Variants in WNT5A observed in about 807,000 individuals in gnomAD.
WNT5A encodes protein Wnt-5a.
WNT5A carries 9 observed loss-of-function variants against 42.1 expected under a neutral mutation model. The observed-to-expected ratio is 0.21, with a 90% CI of 0.13 to 0.37. WNT5A has a LOEUF of 0.37. Among genes scored for constraint, WNT5A ranks in the 10% least tolerant of loss-of-function variants. The pLI is 1.00. For synonymous variants in WNT5A, 210 were observed against 210.0 expected, an observed-to-expected ratio of 1.00 and a Z score of 0.00; for missense variants, 426 against 534.0, an observed-to-expected ratio of 0.80 and a Z score of 1.99.
At chr3:55,493,689 A>G (rs1182069589), upstream of WNT5A, 7 of 152,360 alleles carry the variant, frequency 4.6e-5, no homozygotes, top group East Asian at 1.4e-3. Flanking sequence ...CTGCTGAGCA[A>G]AAGTTTGAAC....
At chr3:55,497,066 A>T in the WNT5A span, among the ~76,000 whole-genome samples, 1 of 152,238 alleles carries the variant, frequency 6.6e-6, no homozygotes. Flanking sequence ...TTAGTATTGT[A>T]CGTGCCAGAT....
intron 3 of WNT5A, 88 bp downstream of exon 3, chr3:55,479,226 C>G: frequency 1.4e-6 from 2 of 1,392,226 alleles, no homozygotes; most frequent in Admixed American, 3.0e-5. Context: ...CTCCTTCATG[C>G]TTTCTATCAA....
intron 1 of WNT5A, among the ~76,000 whole-genome samples, chr3:55,484,685 TACACACACACACACACACACACACAC>T (rs67013864): frequency 8.7e-5 from 12 of 137,992 alleles, no homozygotes; most frequent in South Asian, 4.9e-4. Context: ...GGCCCCAGGA[TACACACACACACACACACACACACAC>T]ACACACACAC....
rs762889592 is a variant in WNT5A, at chr3:55,483,514, AG to A, written c.7-2597del. On this transcript the variant is annotated intron_variant, in intron 1 of 4. Transcript: ENST00000264634. This position sits in a 1 kb window ranked among gnomAD's most constrained non-coding sequence, Gnocchi z 4.2. ...GACCTCTGGGGAGACTGTCAACCCC[AG>A]GGGTAAAACAAAAATTCTGATCAGA... Among the ~76,000 whole-genome samples the A allele has an allele frequency of 1.3e-5, 2 of 152,226 alleles. No homozygotes were observed. Among genetic ancestry groups the A allele is most frequent in the Non-Finnish European group, 2.9e-5 (2 of 68,030 alleles).
chr3:55,493,184 G>A (rs2051680591), upstream of WNT5A, among the ~76,000 whole-genome samples: 1 of 152,182 alleles, frequency 6.6e-6, no homozygotes, highest in Non-Finnish European at 1.5e-5. Flanking sequence ...ATGAATGAGG[G>A]CCTGAGGGCT....
upstream of WNT5A, among the ~76,000 whole-genome samples, chr3:55,495,031 T>G (rs2051701274): frequency 6.6e-6 from 1 of 152,230 alleles, no homozygotes; most frequent in South Asian, 2.1e-4. Context: ...TTTTTAAAAT[T>G]TTTCTATAAA....
Position 55,480,737 on chromosome 3 carries a change from T to TA in WNT5A, c.140+47dup, listed in dbSNP as rs761220101. ...ATTGCCGCATCATACAAACAAATCT[T>TA]AAAAAAAGAAAAAGAAGAGGAAGAA... On this transcript the variant is annotated intron_variant, in intron 2 of 4. Transcript: ENST00000264634. 8 of 1,478,858 alleles carry TA rather than the reference T, an allele frequency of 5.4e-6. No individual in the cohort carries two copies. The South Asian group carries it at 8.5e-5, about 16-fold the overall frequency. 91.6% of individuals were successfully genotyped at this position (1,478,858 alleles called of 1,614,324 possible).
chr3:55,488,334 C>T (rs2051613588), upstream of WNT5A: 1 of 151,312 alleles, frequency 6.6e-6, no homozygotes, highest in South Asian at 2.1e-4. Flanking sequence ...CTCCCACCCC[C>T]CAGCCCTTCT....
rs1575405907 is a variant in WNT5A at position 55,483,014 on chromosome 3, CGGCGAGCG to C, written c.7-2104_7-2097del. Among the ~76,000 whole-genome samples the C allele has an allele frequency of 6.6e-6, 1 of 152,218 alleles. No homozygotes were observed. Among genetic ancestry groups the C allele is most frequent in the East Asian group, 1.9e-4 (1 of 5,182 alleles). Reference sequence around the variant, plus strand: ...GGCCGCGTGCACTTTCCAAGCTTCGCGGCGAGCGGGGCGCGTGGGGCGGGGCTCAAGCA... The same window carrying C: ...GGCCGCGTGCACTTTCCAAGCTTCGCGGGCGCGTGGGGCGGGGCTCAAGCA... On this transcript the variant is annotated intron_variant, in intron 1 of 4. Coordinates refer to ENST00000264634, the MANE Select transcript of WNT5A (RefSeq NM_003392.7). The surrounding 1 kb of genome is among the most constrained non-coding windows in gnomAD (Gnocchi z 4.2).
chr3:55,499,509 T>C, the WNT5A span, among the ~76,000 whole-genome samples: 1 of 152,244 alleles, frequency 6.6e-6, no homozygotes, highest in Non-Finnish European at 1.5e-5. Context: ...AGTCACCAAC[T>C]GTCTTTGAAA....
At chr3:55,472,555 T>C (rs2051273406) in intron 4 of WNT5A, among the ~76,000 whole-genome samples, 1 of 152,096 alleles carries the variant, frequency 6.6e-6, no homozygotes, top group Non-Finnish European at 1.5e-5. Flanking sequence ...CCCCAAATTT[T>C]CATGTGGCTC....
chr3:55,487,037 C>T lies in WNT5A; in HGVS notation c.-52G>A, dbSNP rs1259151772. ...AAGTCGCCACCCGAGCGAGCGCAGC[C>T]GAGGAATCCGAGCGGAGCGACCGGG... On this transcript the variant is annotated 5_prime_UTR_variant, in exon 1 of 5. Coordinates refer to ENST00000264634, the MANE Select transcript of WNT5A (RefSeq NM_003392.7). The T allele has an allele frequency of 2.5e-6, 4 of 1,593,882 alleles. No homozygotes were observed. Among genetic ancestry groups the T allele is most frequent in the Non-Finnish European group, 3.4e-6 (4 of 1,167,550 alleles).
upstream of WNT5A, among the ~76,000 whole-genome samples, chr3:55,493,241 C>A (rs1365531606): frequency 6.6e-6 from 1 of 152,204 alleles, no homozygotes; most frequent in South Asian, 2.1e-4. Flanking sequence ...CTGCTTAAAG[C>A]CCTTCAGAGG....
chr3:55,499,976 C>T, the WNT5A span, among the ~76,000 whole-genome samples: 2 of 61,662 alleles, frequency 3.2e-5, no homozygotes, highest in Non-Finnish European at 6.6e-5. Flanking sequence ...CTCCATCCCC[C>T]CTCCAAAAAA....
In WNT5A at chr3:55,474,543, A is replaced by T; in HGVS notation, c.478T>A (p.Ser160Thr). The change falls in exon 4 of 5, where the codon TCC (serine) becomes ACC (threonine). Residue 160 changes from serine to threonine, a missense_variant. Ser to Thr is a moderately conservative substitution (Grantham distance 58). This residue lies in a region of WNT5A where 358 missense variants were observed against 468.1 expected (regional missense o/e 0.76). Coordinates refer to ENST00000264634, the MANE Select transcript of WNT5A (RefSeq NM_003392.7). ...GCGGCGCGGCTGCAGCCGCAGGTGG[A>T]CAGCTCGCCCTCGCGGCACGCCCGG... ...MSRACREGELSTCGCSRAARP... is the reference protein window; with the variant it reads ...MSRACREGELTTCGCSRAARP... The T allele has an allele frequency of 6.5e-7, 1 of 1,546,986 alleles. No individual in the cohort carries two copies. Among genetic ancestry groups the T allele is most frequent in the Non-Finnish European group, 8.7e-7 (1 of 1,149,036 alleles).
chr3:55,484,099 G>C (rs984569624), intron 1 of WNT5A, among the ~76,000 whole-genome samples: 4 of 152,198 alleles, frequency 2.6e-5, no homozygotes, highest in African/African-American at 9.7e-5. Flanking sequence ...GAAACGATGA[G>C]GGACGCCAAA....
At chr3:55,490,837 C>G (rs1401717552), upstream of WNT5A, among the ~76,000 whole-genome samples, 1 of 152,220 alleles carries the variant, frequency 6.6e-6, no homozygotes. Flanking sequence ...TTTCCCCAGA[C>G]CTCACTGGGC....
rs115691418 is a variant in WNT5A, at chr3:55,484,617, T to C, written c.6+2363A>G. 4.1e-3 allele frequency among the ~76,000 whole-genome samples: 628 copies of C among 152,032 alleles called. 3 individuals are homozygous for C. Among genetic ancestry groups the C allele is most frequent in the African/African-American group, 0.014 (569 of 41,498 alleles). ...GAGAGGCCCCAGGGGAAGAACGGTC[T>C]GGCCTGGTTCTCCTCTGTTTCCTGC... is the stretch of plus-strand genomic sequence containing the variant. On this transcript the variant is annotated intron_variant, in intron 1 of 4. Coordinates refer to ENST00000264634, the MANE Select transcript of WNT5A (RefSeq NM_003392.7).
Position 55,470,296 on chromosome 3 carries a change from C to G in WNT5A, c.939G>C (p.Glu313Asp), listed in dbSNP as rs2051222864. The G allele has an allele frequency of 1.1e-5, 18 of 1,613,950 alleles. No individual in the cohort carries two copies. Among genetic ancestry groups the G allele is most frequent in the Non-Finnish European group, 1.5e-5 (18 of 1,179,922 alleles). ...DPSPDYCVRN[E>D]STGSLGTQGR... ...CCTGCGTGCCCAGCGAGCCGGTGCT[C>G]TCATTGCGCACGCAGTAGTCAGGGC... The change falls in exon 5 of 5, where the codon GAG (glutamate) becomes GAC (aspartate). Residue 313 changes from glutamate (E) to aspartate (D), a missense_variant. Physicochemically the swap from Glu to Asp is conservative, Grantham distance 45. This residue lies in a region of WNT5A where 358 missense variants were observed against 468.1 expected (regional missense o/e 0.76). Transcript: ENST00000264634.
Sources: allele counts gnomAD v4.1 joint callset (sites outside exome capture counted in the v4.1 genomes callset), GRCh38; gene constraint gnomAD v4.1.1; regional missense constraint gnomAD v4.1.1; non-coding constraint Gnocchi (gnomAD v3.1); transcripts MANE v1.5; gene names NCBI Gene and HGNC (gene_info 2026-07-23, HGNC 2026-07-21).